DIAPH3: variants seen among roughly 807,000 people sequenced by gnomAD.
DIAPH3 encodes protein diaphanous homolog 3.
DIAPH3 carries 117 observed loss-of-function variants against 144.3 expected under a neutral mutation model. The observed-to-expected ratio is 0.81, with a 90% CI of 0.70 to 0.95. The LOEUF is 0.95. Ranked by LOEUF, DIAPH3 falls within the 40% of genes least tolerant of loss-of-function variation. The probability of loss-of-function intolerance (pLI) is 0.00; values close to 1 mark genes in which losing one functional copy is unlikely to be tolerated. For missense variants in DIAPH3, 1,421 were observed against 1,412.7 expected, an observed-to-expected ratio of 1.01 and a Z score of -0.09; for synonymous variants, 519 against 488.9, an observed-to-expected ratio of 1.06 and a Z score of -0.81.
intron 2 of DIAPH3, among the ~76,000 whole-genome samples, chr13:60,120,607 T>C (rs2058821032): frequency 1.3e-5 from 2 of 152,268 alleles, no homozygotes; most frequent in Admixed American, 6.5e-5. Context: ...AACAAATTTA[T>C]GCTCTTAAAA....
chr13:59,718,087 C>T (rs763151548), intron 27 of DIAPH3, among the ~76,000 whole-genome samples: 2 of 152,256 alleles, frequency 1.3e-5, no homozygotes, highest in Middle Eastern at 3.4e-3. Context: ...TCAGACTTAT[C>T]ACAACCTCTC....
At chr13:59,881,392 C>T (rs1364602076) in intron 20 of DIAPH3, among the ~76,000 whole-genome samples, 1 of 152,006 alleles carries the variant, frequency 6.6e-6, no homozygotes, top group Non-Finnish European at 1.5e-5. Context: ...TGCCATTATT[C>T]ATGATTATGA....
chr13:60,058,711 T>C (rs1345713263), intron 4 of DIAPH3, among the ~76,000 whole-genome samples: 2 of 151,984 alleles, frequency 1.3e-5, no homozygotes, highest in Non-Finnish European at 2.9e-5. Flanking sequence ...TACACTGTAA[T>C]ACTACTTGGC....
chr13:60,093,533 T>C (rs1230002279), intron 4 of DIAPH3, 95 bp downstream of exon 4: 4 of 783,790 alleles, frequency 5.1e-6, no homozygotes, highest in Non-Finnish European at 8.8e-6. Context: ...CTGATTACAG[T>C]TGCCCACAAA....
intron 5 of DIAPH3, among the ~76,000 whole-genome samples, chr13:60,038,349 T>A (rs17057553): frequency 2.6e-5 from 4 of 152,164 alleles, no homozygotes; most frequent in South Asian, 4.1e-4. Flanking sequence ...CTTCCTCAGA[T>A]CATGTTGATA....
chr13:60,037,836 A>G (rs1350975500), intron 5 of DIAPH3, among the ~76,000 whole-genome samples: 3 of 152,108 alleles, frequency 2.0e-5, no homozygotes, highest in Admixed American at 6.5e-5. Flanking sequence ...AAAATTATTC[A>G]TATGCTATTT....
At chr13:60,009,934 C>T (rs1239911131) in intron 8 of DIAPH3, among the ~76,000 whole-genome samples, 1 of 152,040 alleles carries the variant, frequency 6.6e-6, no homozygotes, top group Non-Finnish European at 1.5e-5. Flanking sequence ...AATTAGAACC[C>T]TAATTTTTAA....
At chr13:60,161,805 A>G (rs2138492136) in intron 1 of DIAPH3, among the ~76,000 whole-genome samples, 1 of 152,356 alleles carries the variant, frequency 6.6e-6, no homozygotes, top group Admixed American at 6.5e-5. Context: ...ACAAAGGACT[A>G]TCAAGAATGC....
intron 3 of DIAPH3, among the ~76,000 whole-genome samples, chr13:60,107,251 T>C (rs1383414014): frequency 6.6e-6 from 1 of 151,976 alleles, no homozygotes; most frequent in Non-Finnish European, 1.5e-5. Flanking sequence ...ATAACTGTAT[T>C]CTTATACAGA....
At position 59,825,501 on chromosome 13, in the gene DIAPH3, T is replaced by C. The variant is rs61956710; in HGVS notation, c.3027+7606A>G. 5.8e-3 allele frequency among the ~76,000 whole-genome samples: 885 copies of C among 152,290 alleles called. 3 individuals carry two copies. The highest frequency in any genetic ancestry group is 0.01 in the Non-Finnish European group (687 of 68,030). ...GAATAGTGTACAATAAACATATGGG[T>C]GCATGTGTCTTTACAGCAGCATGAT... is the stretch of plus-strand genomic sequence containing the variant. On this transcript the variant is annotated intron_variant, in intron 24 of 27. Coordinates refer to ENST00000400324, the MANE Select transcript of DIAPH3 (RefSeq NM_001042517.2).
chr13:59,883,927 G>C (rs1354337794), intron 20 of DIAPH3, among the ~76,000 whole-genome samples: 2 of 152,072 alleles, frequency 1.3e-5, no homozygotes, highest in Non-Finnish European at 2.9e-5. Flanking sequence ...CTCCTATTGT[G>C]CTGAATCTTT....
At chr13:59,775,844 T>TA (rs1376222602) in intron 25 of DIAPH3, among the ~76,000 whole-genome samples, 1 of 152,182 alleles carries the variant, frequency 6.6e-6, no homozygotes, top group African/African-American at 2.4e-5. Flanking sequence ...ATTAAGGAAA[T>TA]ACGTGGATAT....
intron 4 of DIAPH3, among the ~76,000 whole-genome samples, chr13:60,083,992 TGATA>T (rs59715618): frequency 3.3e-4 from 48 of 143,598 alleles, no homozygotes; most frequent in Middle Eastern, 3.6e-3. Flanking sequence ...CACTTTTGAG[TGATA>T]GATAGATAGA....
chr13:59,828,631 C>CA (rs5803972), intron 24 of DIAPH3, among the ~76,000 whole-genome samples: 89,789 of 130,198 alleles, frequency 0.69, 30,961 homozygotes, highest in East Asian at 0.86. Context: ...TTCTGGACCT[C>CA]AAAAAAAAAA....
intron 27 of DIAPH3, among the ~76,000 whole-genome samples, chr13:59,764,230 T>A (rs1322834975): frequency 6.6e-6 from 1 of 151,850 alleles, no homozygotes; most frequent in Non-Finnish European, 1.5e-5. Context: ...AAATCTCTGA[T>A]CTCCTGGAAG....
intron 4 of DIAPH3, among the ~76,000 whole-genome samples, chr13:60,067,828 C>T (rs2057030454): frequency 6.6e-6 from 1 of 152,102 alleles, no homozygotes; most frequent in African/African-American, 2.4e-5. Flanking sequence ...TATCTCCTTC[C>T]CGTAATAAAG....
intron 25 of DIAPH3, among the ~76,000 whole-genome samples, chr13:59,807,730 T>G (rs938573918): frequency 1.3e-5 from 2 of 151,996 alleles, no homozygotes; most frequent in East Asian, 1.9e-4. Flanking sequence ...TAGGAAGAGA[T>G]AGTACAGAAA....
At chr13:59,686,385 A>C (rs2138661735) in intron 27 of DIAPH3, among the ~76,000 whole-genome samples, 2 of 152,210 alleles carry the variant, frequency 1.3e-5, no homozygotes, top group Middle Eastern at 6.8e-3. Context: ...TAAAATCACA[A>C]AGGATATCTA....
chr13:59,871,241 A>G (rs893934910), intron 21 of DIAPH3, among the ~76,000 whole-genome samples: 3 of 150,134 alleles, frequency 2.0e-5, no homozygotes, highest in South Asian at 2.1e-4. Flanking sequence ...CATTTCATCT[A>G]TGAAGAAAGA....
Sources: gnomAD v4.1 joint callset for allele counts (sites outside exome capture counted in the v4.1 genomes callset) on GRCh38, gnomAD v4.1.1 for gene constraint, MANE v1.5 for transcripts, NCBI Gene and HGNC (gene_info 2026-07-23, HGNC 2026-07-21) for gene names.